The following ZGRF1 variants were observed in gnomAD, a reference collection of about 807,000 sequenced individuals.
The protein encoded by ZGRF1 is 5'-3' DNA helicase ZGRF1.
In ZGRF1, 196 loss-of-function variants were observed where a neutral mutation model predicts 203.5. The ratio of observed to expected loss-of-function variants is 0.96; its 90% confidence interval spans 0.86 to 1.08. The LOEUF is 1.08. Ranked by LOEUF, ZGRF1 falls within the 50% of genes least tolerant of loss-of-function variation. The pLI is 0.00. For missense variants in ZGRF1, 2,326 were observed against 2,416.3 expected, an observed-to-expected ratio of 0.96 and a Z score of 0.78; for synonymous variants, 809 against 841.3, an observed-to-expected ratio of 0.96 and a Z score of 0.66.
intron 22 of ZGRF1, among the ~76,000 whole-genome samples, 192 bp from the exon 23 acceptor site, chr4:112,548,572 G>T (rs1020597590): frequency 5.3e-5 from 8 of 151,524 alleles, no homozygotes; most frequent in African/African-American, 1.9e-4. Context: ...ATCAACAAAT[G>T]TAAGTTACTT....
At chr4:112,587,206 T>C in intron 12 of ZGRF1, 74 bp downstream of exon 12, 1 of 1,405,332 alleles carries the variant, frequency 7.1e-7, no homozygotes. Flanking sequence ...GCAGTATATT[T>C]TGGTAATTCT....
chr4:112,552,464 T>C (rs1271262279), intron 22 of ZGRF1, among the ~76,000 whole-genome samples: 2 of 151,976 alleles, frequency 1.3e-5, no homozygotes, highest in Non-Finnish European at 2.9e-5. Flanking sequence ...CAAGAAATCA[T>C]TAACAATGAT....
At chr4:112,591,655 G>C (rs186616310) in intron 10 of ZGRF1, among the ~76,000 whole-genome samples, 1 of 152,068 alleles carries the variant, frequency 6.6e-6, no homozygotes, top group African/African-American at 2.4e-5. Context: ...TCATTCTTCT[G>C]CCCCAAAACC....
At chr4:112,541,786 C>G (rs1737663380) in intron 24 of ZGRF1, among the ~76,000 whole-genome samples, 1 of 151,992 alleles carries the variant, frequency 6.6e-6, no homozygotes, top group Non-Finnish European at 1.5e-5. Flanking sequence ...CTTGGCCTCC[C>G]AAAGTGCTGG....
rs762803261 is a variant in ZGRF1 at position 112,618,655 on chromosome 4, T to G, written c.1387A>C (p.Asn463His). Reference sequence around the variant, plus strand: ...TCCTTTTCCAGTGTTCCACATGTATTTACCTCCTGAGCATTTTCTTTAATG... The same window carrying G: ...TCCTTTTCCAGTGTTCCACATGTATGTACCTCCTGAGCATTTTCTTTAATG... ...VLIKENAQEV[N>H]TCGTLEKEYE... Residue 463 changes from asparagine (N) to histidine (H), a missense_variant, in exon 6 of 28, where the codon AAT (asparagine) becomes CAT (histidine). Transcript: ENST00000505019. 3.3e-5 allele frequency: 54 copies of G among 1,613,332 alleles called. No individual in the cohort carries two copies. In the East Asian group the frequency reaches 1.2e-3, roughly 36 times the overall value.
intron 3 of ZGRF1, among the ~76,000 whole-genome samples, chr4:112,627,299 T>C (rs1348066951): frequency 1.3e-5 from 2 of 152,228 alleles, no homozygotes; most frequent in Non-Finnish European, 2.9e-5. Flanking sequence ...ATCATTCTTT[T>C]TCTCCATTGC....
At chr4:112,581,217 G>A (rs1746183471) in intron 16 of ZGRF1, among the ~76,000 whole-genome samples, 1 of 140,486 alleles carries the variant, frequency 7.1e-6, no homozygotes, top group African/African-American at 2.7e-5. Context: ...TCATAGGTGG[G>A]AACTGAACAA....
chr4:112,579,174 A>G (rs1384437962), intron 16 of ZGRF1, among the ~76,000 whole-genome samples: 1 of 123,592 alleles, frequency 8.1e-6, no homozygotes, highest in Non-Finnish European at 1.8e-5. Flanking sequence ...CAAAAACCAC[A>G]TGATTATCTC....
intron 23 of ZGRF1, 65 bp downstream of exon 23, chr4:112,548,188 G>A: frequency 6.9e-7 from 1 of 1,455,820 alleles, no homozygotes; most frequent in Non-Finnish European, 9.3e-7. Flanking sequence ...CAATCCACCT[G>A]CCTCAGCCTC....
intron 13 of ZGRF1, 124 bp from the exon 14 acceptor site, chr4:112,585,849 G>A (rs909652452): frequency 1.0e-5 from 5 of 482,620 alleles, no homozygotes; most frequent in Admixed American, 4.5e-5. Flanking sequence ...AGGAATATCC[G>A]TTTTTAAAAG....
In ZGRF1 at chr4:112,618,675, T is replaced by G. The variant is rs557380857; in HGVS notation, c.1367A>C (p.Lys456Thr). Residue 456 changes from lysine to threonine, a missense_variant, in exon 6 of 28, where the codon AAA (lysine) becomes ACA (threonine). Physicochemically the swap from Lys to Thr is moderately conservative, Grantham distance 78. Transcript: ENST00000505019. ...KGCIKGSVLI[K>T]ENAQEVNTCG... ...TGTATTTACCTCCTGAGCATTTTCTTTAATGAGAACTGATCCTTTAATGCA... is the reference window on the plus strand; with the variant it reads ...TGTATTTACCTCCTGAGCATTTTCTGTAATGAGAACTGATCCTTTAATGCA... 8.2e-5 allele frequency: 133 copies of G among 1,613,012 alleles called. No homozygotes were observed. The South Asian group carries it at 1.4e-3, about 17-fold the overall frequency.
chr4:112,636,151 A>T (rs931935107), intron 1 of ZGRF1, among the ~76,000 whole-genome samples: 1 of 152,234 alleles, frequency 6.6e-6, no homozygotes, highest in Non-Finnish European at 1.5e-5. Flanking sequence ...CACGTCTACC[A>T]GACAATTCAC....
At chr4:112,582,994 G>A (rs1746535277) in intron 15 of ZGRF1, among the ~76,000 whole-genome samples, 1 of 151,994 alleles carries the variant, frequency 6.6e-6, no homozygotes, top group African/African-American at 2.4e-5. Context: ...CCTTTCTTTT[G>A]GATACATACC....
chr4:112,551,992 G>C (rs1740057412), intron 22 of ZGRF1, among the ~76,000 whole-genome samples: 1 of 152,038 alleles, frequency 6.6e-6, no homozygotes. Context: ...AAATGAGTCA[G>C]GTCTTCCGGG....
At chr4:112,616,103 T>C (rs1311113372) in intron 6 of ZGRF1, among the ~76,000 whole-genome samples, 1 of 152,216 alleles carries the variant, frequency 6.6e-6, no homozygotes, top group Non-Finnish European at 1.5e-5. Flanking sequence ...TTTATAAATT[T>C]GTAAAGGTTT....
At chr4:112,590,128 G>T (rs1747907104) in intron 10 of ZGRF1, among the ~76,000 whole-genome samples, 1 of 152,112 alleles carries the variant, frequency 6.6e-6, no homozygotes, top group Non-Finnish European at 1.5e-5. Context: ...TTTTGATTTG[G>T]ACTGGTCTGG....
At chr4:112,556,376 T>C (rs1267130178) in intron 20 of ZGRF1, among the ~76,000 whole-genome samples, 1 of 152,048 alleles carries the variant, frequency 6.6e-6, no homozygotes, top group Non-Finnish European at 1.5e-5. Context: ...TATAATAGAG[T>C]TATAAAAAAT....
At chr4:112,556,856 T>G (rs1741037236) in intron 20 of ZGRF1, among the ~76,000 whole-genome samples, 1 of 152,150 alleles carries the variant, frequency 6.6e-6, no homozygotes, top group Non-Finnish European at 1.5e-5. Context: ...AAAAATTAAT[T>G]TTTAAAAAGC....
intron 10 of ZGRF1, among the ~76,000 whole-genome samples, chr4:112,596,504 G>A (rs546425351): frequency 6.6e-6 from 1 of 152,158 alleles, no homozygotes; most frequent in South Asian, 2.1e-4. Context: ...AAGTAGATTT[G>A]TATTTACAGG....
Sources: allele counts gnomAD v4.1 joint callset (sites outside exome capture counted in the v4.1 genomes callset), GRCh38; gene constraint gnomAD v4.1.1; transcripts MANE v1.5; gene names NCBI Gene and HGNC (gene_info 2026-07-23, HGNC 2026-07-21).